Variants in TYRO3 observed in about 807,000 individuals in gnomAD.
TYRO3 encodes the protein TYRO3 protein tyrosine kinase.
In TYRO3, 38 loss-of-function variants were observed where a neutral mutation model predicts 95.2. That is an observed-to-expected ratio of 0.40 (90% CI 0.31 to 0.52). The LOEUF (loss-of-function observed/expected upper bound fraction) is 0.52, where lower values mean the gene tolerates loss of function less well. TYRO3 is among the 20% of genes least tolerant of loss of function. The pLI is 0.56. For synonymous variants in TYRO3, 367 were observed against 432.9 expected (o/e 0.85, Z 1.89); for missense variants, 812 against 1,116.4 (o/e 0.73, Z 3.89).
Position 41,581,206 on chromosome 15 carries a change from CAAAA to C in TYRO3, c.*2933_*2936del, listed in dbSNP as rs1388307902. ...CTGTCTCAGAAACAAAACAAAACAA[CAAAA>C]AAGCTTTTAGAGCAAGTTCATGGGA... is the stretch of plus-strand genomic sequence containing the variant. On this transcript the variant is annotated 3_prime_UTR_variant, in exon 19 of 19. Coordinates refer to ENST00000263798, the MANE Select transcript of TYRO3 (RefSeq NM_006293.4). The C allele has an allele frequency of 6.5e-6, 1 of 153,338 alleles. No homozygotes were observed. Among genetic ancestry groups the C allele is most frequent in the African/African-American group, 2.4e-5 (1 of 41,226 alleles). The allele number at this position is 153,338 out of a possible 1,614,324, so 9.5% of individuals were successfully genotyped here. A position where few individuals can be genotyped will look rare whatever the true frequency, so the allele number is the denominator to read the frequency against.
intron 18 of TYRO3, among the ~76,000 whole-genome samples, chr15:41,575,802 T>C (rs968625910): frequency 9.2e-5 from 14 of 152,252 alleles, no homozygotes; most frequent in African/African-American, 3.1e-4. Flanking sequence ...ATTTATAAGG[T>C]TCCTGAAATT....
In TYRO3 at chr15:41,572,578, G is replaced by T; in HGVS notation, c.1875+14G>T. 1.0e-6 allele frequency: 1 copy of T among 980,460 alleles called. No homozygotes were observed. 60.7% of individuals were successfully genotyped at this position (980,460 alleles called of 1,614,324 possible). A position where few individuals can be genotyped will look rare whatever the true frequency, so the allele number is the denominator to read the frequency against. On this transcript the variant is annotated intron_variant, in intron 15 of 18. Coordinates refer to ENST00000263798, the MANE Select transcript of TYRO3 (RefSeq NM_006293.4). Reference sequence around the variant, plus strand: ...GAGAACCCCTTTGTGAGTACCTGGTGTGGGGGTGGCCAGGAGGAAACGGGT... The same window carrying T: ...GAGAACCCCTTTGTGAGTACCTGGTTTGGGGGTGGCCAGGAGGAAACGGGT...
intron 8 of TYRO3, among the ~76,000 whole-genome samples, 155 bp from the exon 9 acceptor site, chr15:41,568,723 G>A (rs2055756517): frequency 6.6e-6 from 1 of 152,120 alleles, no homozygotes; most frequent in African/African-American, 2.4e-5. Flanking sequence ...GAACAGGAAT[G>A]TGATTACTCC....
chr15:41,560,507 C>A (rs2055639540), intron 1 of TYRO3, among the ~76,000 whole-genome samples: 1 of 151,924 alleles, frequency 6.6e-6, no homozygotes, highest in African/African-American at 2.4e-5. Flanking sequence ...GGGTCTTAGG[C>A]TCCCTGCTCA....
chr15:41,560,861 C>G (rs1595498254), intron 1 of TYRO3, among the ~76,000 whole-genome samples: 1 of 151,484 alleles, frequency 6.6e-6, no homozygotes, highest in Non-Finnish European at 1.5e-5. Context: ...GCCCAGCCTG[C>G]CTTCCTTTTG....
At chr15:41,562,807 G>T in intron 4 of TYRO3, 89 bp downstream of exon 4, 1 of 1,351,896 alleles carries the variant, frequency 7.4e-7, no homozygotes, top group Non-Finnish European at 1.0e-6. Context: ...CTGAGCTTGC[G>T]GTTGTGAGCG....
intron 14 of TYRO3, 81 bp from the exon 15 acceptor site, chr15:41,572,362 C>G (rs764967584): frequency 6.5e-7 from 1 of 1,539,564 alleles, no homozygotes; most frequent in Non-Finnish European, 8.8e-7. Flanking sequence ...GAGATGGGAC[C>G]CAGCAGGTGG....
rs1275540338 is a variant in TYRO3 at position 41,561,325 on chromosome 15, G to GA, written c.308+15_308+16insA. On this transcript the variant is annotated intron_variant, in intron 2 of 18. Transcript: ENST00000263798. ...GGCTTCCTCAGGTGCAGGCCTGTGG[G>GA]GGAAGGTGTGGGCTGCCAGCCAGGG... 1 of 1,230,658 alleles carries GA rather than the reference G, an allele frequency of 8.1e-7. No homozygotes were observed. The highest frequency in any genetic ancestry group is 1.1e-6 in the Non-Finnish European group (1 of 890,828). 76.2% of individuals were successfully genotyped at this position (1,230,658 alleles called of 1,614,324 possible). A position where few individuals can be genotyped will look rare whatever the true frequency, so the allele number is the denominator to read the frequency against.
In TYRO3 at chr15:41,581,117, G is replaced by A. The variant is rs919839198; in HGVS notation, c.*2841G>A. 2 of 153,376 alleles carry A rather than the reference G, an allele frequency of 1.3e-5. No homozygotes were observed. The highest frequency in any genetic ancestry group is 4.8e-5 in the African/African-American group (2 of 41,462). 9.5% of individuals were successfully genotyped at this position (153,376 alleles called of 1,614,324 possible). ...AGGCATGAGAATCACTTAAACCTGG[G>A]AGGAGGAGGTTGCAGTAAGCTGAGA... On this transcript the variant is annotated 3_prime_UTR_variant, in exon 19 of 19. Coordinates refer to ENST00000263798, the MANE Select transcript of TYRO3 (RefSeq NM_006293.4).
chr15:41,560,407 G>GTC (rs1270795647), intron 1 of TYRO3, among the ~76,000 whole-genome samples: 4 of 140,850 alleles, frequency 2.8e-5, no homozygotes, highest in Non-Finnish European at 4.6e-5. Context: ...GTGTGTGTGT[G>GTC]TGTGTGTGTG....
intron 12 of TYRO3, 21 bp from the exon 13 acceptor site, chr15:41,571,017 C>A (rs1274030422): frequency 2.9e-6 from 4 of 1,400,192 alleles, no homozygotes; most frequent in Non-Finnish European, 4.0e-6. Context: ...GAGACTCTCC[C>A]TTACTTGGAT....
Position 41,578,206 on chromosome 15 carries a change from A to G in TYRO3, c.2603A>G (p.Glu868Gly), listed in dbSNP as rs571523140. The change falls in exon 19 of 19, where the codon GAG becomes GGG. Residue 868 changes from glutamate to glycine, a missense_variant. Physicochemically the swap from Glu to Gly is moderately conservative, Grantham distance 98. Transcript: ENST00000263798. ...EQPGQAEHQP[E>G]SPLNETQRLL... is the part of the protein sequence containing the mutation. ...CCAGGGCAGGCAGAGCACCAGCCAG[A>G]GAGTCCCCTCAATGAGACACAGAGG... 2 of 1,613,892 alleles carry G rather than the reference A, an allele frequency of 1.2e-6. No homozygotes were observed. Among genetic ancestry groups the G allele is most frequent in the Admixed American group, 3.3e-5 (2 of 60,028 alleles).
rs771539415 is a variant in TYRO3 at position 41,562,526 on chromosome 15, CCT to C, written c.410-20_410-19del. ...AAGCCAAGAGGTGGCAGGGCTCACTCCTCACTCCCCTTCTCTCCTAGGTGTGC... is the reference window on the plus strand; with the variant it reads ...AAGCCAAGAGGTGGCAGGGCTCACTCCACTCCCCTTCTCTCCTAGGTGTGC... On this transcript the variant is annotated intron_variant, in intron 3 of 18. Coordinates refer to ENST00000263798, the MANE Select transcript of TYRO3 (RefSeq NM_006293.4). The C allele has an allele frequency of 5.5e-5, 88 of 1,610,580 alleles. 3 individuals carry two copies. In the South Asian group the frequency reaches 9.2e-4, roughly 17 times the overall value.
At chr15:41,563,531 C>T (rs1023194) in intron 4 of TYRO3, among the ~76,000 whole-genome samples, 28,192 of 151,974 alleles carry the variant, frequency 0.19, 3,774 homozygotes, top group African/African-American at 0.38. Flanking sequence ...GTTCAGGAGG[C>T]GCTGAGTTGG....
In TYRO3 at chr15:41,573,717, TG is replaced by T; in HGVS notation, c.2187del (p.Gln730ArgfsTer22). The T allele has an allele frequency of 6.2e-7, 1 of 1,614,278 alleles. No homozygotes were observed. Among genetic ancestry groups the T allele is most frequent in the Non-Finnish European group, 8.5e-7 (1 of 1,180,046 alleles). ...TGACCATGTGGGAGATCATGACACG[TG>T]GGCAGACGCCATATGCTGGCATCGA... Reference protein sequence around the residue: ...GVTMWEIMTRGQTPYAGIENA... With the variant: ...GVTMWEIMTRXQTPYAGIENA... On this transcript the variant is annotated frameshift_variant, in exon 18 of 19. Coordinates refer to ENST00000263798, the MANE Select transcript of TYRO3 (RefSeq NM_006293.4). LOFTEE classifies it high-confidence loss of function.
Position 41,578,486 on chromosome 15 carries a change from G to A in TYRO3, c.*210G>A. ...CTGTGGCCAGCCTGGCATCAGTTTA[G>A]GCCTTGGCTTGATGGAAGTGGGCCA... On this transcript the variant is annotated 3_prime_UTR_variant, in exon 19 of 19. Transcript: ENST00000263798. 4.4e-6 allele frequency: 3 copies of A among 688,428 alleles called. No homozygotes were observed. The highest frequency in any genetic ancestry group is 7.1e-6 in the Non-Finnish European group (3 of 422,534). The allele number at this position is 688,428 out of a possible 1,614,324, so 42.6% of individuals were successfully genotyped here.
rs373111760 is a variant in TYRO3, at chr15:41,582,995, G to GTTTTTTTTTTTTTTTTTTTTT, written c.*4720_*4721insTTTTTTTTTTTTTTTTTTTTT. The GTTTTTTTTTTTTTTTTTTTTT allele has an allele frequency of 1.2e-5, 1 of 86,920 alleles. No individual in the cohort carries two copies. The highest frequency in any genetic ancestry group is 4.6e-5 in the African/African-American group (1 of 21,590). 5.4% of individuals were successfully genotyped at this position (86,920 alleles called of 1,614,324 possible). On this transcript the variant is annotated 3_prime_UTR_variant, in exon 19 of 19. Transcript: ENST00000263798. ...GCCACTGCACCTGGCAAATTTTTAA[G>GTTTTTTTTTTTTTTTTTTTTT]TGTTTTTTTTTTTTTTTAATACAGA...
chr15:41,577,063 G>T (rs961526072), intron 18 of TYRO3, among the ~76,000 whole-genome samples: 1 of 152,066 alleles, frequency 6.6e-6, no homozygotes, highest in South Asian at 2.1e-4. Flanking sequence ...CACTTTCCAC[G>T]TGTGTGACTT....
chr15:41,559,624 G>T (rs1331944889), intron 1 of TYRO3, among the ~76,000 whole-genome samples: 1 of 152,226 alleles, frequency 6.6e-6, no homozygotes, highest in African/African-American at 2.4e-5. Context: ...AAGGGAGCGG[G>T]GTGTGGGCTG....
Sources: allele counts gnomAD v4.1 joint callset (sites outside exome capture counted in the v4.1 genomes callset), GRCh38; gene constraint gnomAD v4.1.1; transcripts MANE v1.5; gene names NCBI Gene and HGNC (gene_info 2026-07-23, HGNC 2026-07-21).